The following CNOT4 variants were observed in gnomAD, a reference collection of about 807,000 sequenced individuals.
CNOT4 encodes CCR4-associated factor 4.
A neutral mutation model predicts 73.8 loss-of-function variants in CNOT4; 8 were observed. That is an observed-to-expected ratio of 0.11 (90% CI 0.06 to 0.20). CNOT4 has a LOEUF of 0.20. CNOT4 is among the 10% of genes least tolerant of loss of function. The pLI, the probability that CNOT4 is intolerant of heterozygous loss-of-function variation, is 1.00. For synonymous variants in CNOT4, 293 were observed against 321.1 expected (o/e 0.91, Z 0.94); for missense variants, 564 against 883.4 (o/e 0.64, Z 4.58).
In CNOT4 at chr7:135,503,017, G is replaced by T. The variant is rs138122620; in HGVS notation, c.-93+6872C>A. 6.7e-3 allele frequency among the ~76,000 whole-genome samples: 1,020 copies of T among 151,978 alleles called. 11 individuals are homozygous for T. Among genetic ancestry groups the T allele is most frequent in the Non-Finnish European group, 9.4e-3 (637 of 67,960 alleles). ...CAAATATAAAAATTAGCTGGGCATG[G>T]TGGCACACGCCTGTAGTTCTAGCTA... is the stretch of plus-strand genomic sequence containing the variant. On this transcript the variant is annotated intron_variant, in intron 1 of 11. Coordinates refer to ENST00000541284, the MANE Select transcript of CNOT4 (RefSeq NM_001190850.2).
chr7:135,398,226 G>T lies in CNOT4; in HGVS notation c.822C>A (p.Thr274=), dbSNP rs1796805654. The change falls in exon 8 of 12, where the codon ACC becomes ACA. Residue 274 remains threonine, a splice_region_variant and synonymous_variant. Coordinates refer to ENST00000541284, the MANE Select transcript of CNOT4 (RefSeq NM_001190850.2). ...NKVTPLQRYD[T]PIDKPSDSLS... is the part of the protein sequence containing the mutation. ...GAGAATCTGAAGGTTTGTCAATGGG[G>T]CTATAAAAAGAAAACAAATTGAATA... is the stretch of plus-strand genomic sequence containing the variant. The T allele has an allele frequency of 2.7e-6, 4 of 1,486,656 alleles. No individual in the cohort carries two copies. Among genetic ancestry groups the T allele is most frequent in the African/African-American group, 1.4e-5 (1 of 72,136 alleles). The allele number at this position is 1,486,656 out of a possible 1,614,324, so 92.1% of individuals were successfully genotyped here. A position where few individuals can be genotyped will look rare whatever the true frequency, so the allele number is the denominator to read the frequency against.
intron 1 of CNOT4, among the ~76,000 whole-genome samples, chr7:135,477,350 A>AG (rs2129487055): frequency 6.6e-6 from 1 of 152,160 alleles, no homozygotes; most frequent in East Asian, 1.9e-4. Context: ...TCTCAAAAAA[A>AG]AAAAAAATTA....
intron 10 of CNOT4, among the ~76,000 whole-genome samples, chr7:135,392,086 A>G (rs1276117791): frequency 6.6e-6 from 1 of 152,008 alleles, no homozygotes; most frequent in East Asian, 1.9e-4. Flanking sequence ...CCATCAACAT[A>G]AAAGGCCTTT....
intron 3 of CNOT4, among the ~76,000 whole-genome samples, chr7:135,417,374 T>A (rs1797927866): frequency 6.6e-6 from 1 of 152,218 alleles, no homozygotes; most frequent in African/African-American, 2.4e-5. Context: ...AGTCTTTTTA[T>A]AATTACTTTC....
chr7:135,415,553 C>A (rs1020341037), intron 3 of CNOT4, among the ~76,000 whole-genome samples: 1 of 152,000 alleles, frequency 6.6e-6, no homozygotes, highest in African/African-American at 2.4e-5. Context: ...GGGATCTTAC[C>A]TGTACAGTAT....
chr7:135,364,614 G>C lies in CNOT4; in HGVS notation c.1628-548C>G, dbSNP rs1233048116. Among the ~76,000 whole-genome samples the C allele has an allele frequency of 1.3e-5, 2 of 152,192 alleles. No homozygotes were observed. The highest frequency in any genetic ancestry group is 4.8e-5 in the African/African-American group (2 of 41,438). On this transcript the variant is annotated intron_variant, in intron 10 of 11. Coordinates refer to ENST00000541284, the MANE Select transcript of CNOT4 (RefSeq NM_001190850.2). This position sits in a 1 kb window ranked among gnomAD's most constrained non-coding sequence, Gnocchi z 4.3. ...AGAAGAGAAAAGCAGTAATGAACAG[G>C]CTTTTGAATTTGAAAAGAATGTATT...
At chr7:135,384,712 A>G (rs762672145) in intron 10 of CNOT4, 1 of 765,120 alleles carries the variant, frequency 1.3e-6, no homozygotes, top group Admixed American at 1.7e-5. Context: ...CTTCCTCTCA[A>G]TTGGCTCTGT....
intron 1 of CNOT4, among the ~76,000 whole-genome samples, chr7:135,492,290 C>T (rs1585728428): frequency 2.0e-5 from 3 of 152,232 alleles, no homozygotes; most frequent in Admixed American, 6.5e-5. Flanking sequence ...TATTTTTCTT[C>T]AGTCACTTTC....
At position 135,465,073 on chromosome 7, in the gene CNOT4, G is replaced by T. The variant is rs189869195; in HGVS notation, c.-92-26650C>A. 9.3e-4 allele frequency among the ~76,000 whole-genome samples: 142 copies of T among 152,268 alleles called. 1 individual carries two copies. Among genetic ancestry groups the T allele is most frequent in the African/African-American group, 3.3e-3 (136 of 41,554 alleles). On this transcript the variant is annotated intron_variant, in intron 1 of 11. Transcript: ENST00000541284. ...ATTATCACAGATAATTTGGAAGACAGCTGGGCTATTAAAGTAGATTTTTAA... is the reference window on the plus strand; with the variant it reads ...ATTATCACAGATAATTTGGAAGACATCTGGGCTATTAAAGTAGATTTTTAA...
intron 10 of CNOT4, chr7:135,384,668 AATG>A (rs1406572594): frequency 1.3e-6 from 1 of 765,186 alleles, no homozygotes; most frequent in South Asian, 1.3e-5. Context: ...TATCCTACTG[AATG>A]AGCCTATCTT....
chr7:135,459,389 G>C (rs936163508), intron 1 of CNOT4, among the ~76,000 whole-genome samples: 54 of 152,064 alleles, frequency 3.6e-4, no homozygotes, highest in African/African-American at 1.3e-3. Flanking sequence ...AAACCAACAA[G>C]GAAACCTCAC....
At chr7:135,384,116 T>A (rs575641839) in intron 10 of CNOT4, among the ~76,000 whole-genome samples, 23 of 152,182 alleles carry the variant, frequency 1.5e-4, no homozygotes, top group Admixed American at 2.6e-4. Context: ...CTTTTTTTTT[T>A]AATCTCCTTT....
chr7:135,388,455 T>A (rs1471429284), intron 10 of CNOT4: 5 of 988,430 alleles, frequency 5.1e-6, no homozygotes, highest in Non-Finnish European at 6.0e-6. Context: ...GATACTACCA[T>A]TACCTTTGTA....
At chr7:135,424,332 G>A (rs2129484636) in intron 2 of CNOT4, among the ~76,000 whole-genome samples, 1 of 152,202 alleles carries the variant, frequency 6.6e-6, no homozygotes. Context: ...GCTATTTGGA[G>A]CTCTAAAGGC....
At chr7:135,399,453 T>C (rs1409742192) in intron 7 of CNOT4, among the ~76,000 whole-genome samples, 5 of 152,094 alleles carry the variant, frequency 3.3e-5, no homozygotes, top group African/African-American at 1.2e-4. Flanking sequence ...TTTCTAATTA[T>C]ATAGAACCAC....
rs145751055 is a variant in CNOT4 at position 135,404,426 on chromosome 7, AT to A, written c.821+6088del. On this transcript the variant is annotated intron_variant, in intron 7 of 11. Transcript: ENST00000541284. ...CTACACCAATATTTAATTGATAACT[AT>A]TTTTAGGTCAGTTCTCTCTCTCAAA... is the stretch of plus-strand genomic sequence containing the variant. Among the ~76,000 whole-genome samples, 767 of 152,232 alleles carry A rather than the reference AT, an allele frequency of 5.0e-3. 4 individuals carry two copies. The highest frequency in any genetic ancestry group is 0.018 in the African/African-American group (731 of 41,538).
At chr7:135,406,716 A>G (rs906141358) in intron 7 of CNOT4, among the ~76,000 whole-genome samples, 1 of 152,112 alleles carries the variant, frequency 6.6e-6, no homozygotes. Context: ...GGGCAAAATT[A>G]GTAAATGAGT....
intron 1 of CNOT4, among the ~76,000 whole-genome samples, chr7:135,504,636 G>A (rs1201574290): frequency 8.5e-6 from 1 of 118,232 alleles, no homozygotes; most frequent in Non-Finnish European, 1.8e-5. Context: ...ACAGGCGCCC[G>A]CCACTACGCC....
At position 135,414,379 on chromosome 7, in the gene CNOT4, T is replaced by C; in HGVS notation, c.513A>G (p.Arg171=). ...VTYIRSEDAL[R]AIQCVNNVVV... ...CCACATTGTTGACACACTGTATGGC[T>C]CTGAGAGCGTCTTCTGACCGGATAT... Residue 171 remains arginine, a synonymous_variant, in exon 5 of 12, where the codon AGA becomes AGG. Transcript: ENST00000541284. 7.7e-6 allele frequency: 12 copies of C among 1,564,008 alleles called. No homozygotes were observed. Among genetic ancestry groups the C allele is most frequent in the Non-Finnish European group, 1.1e-5 (12 of 1,136,064 alleles).
Sources: allele counts gnomAD v4.1 joint callset (sites outside exome capture counted in the v4.1 genomes callset), GRCh38; gene constraint gnomAD v4.1.1; non-coding constraint Gnocchi (gnomAD v3.1); transcripts MANE v1.5; gene names NCBI Gene and HGNC (gene_info 2026-07-23, HGNC 2026-07-21).